Variants in ZBTB17 observed in about 807,000 individuals in gnomAD.
ZBTB17 encodes the protein zinc finger and BTB domain-containing protein 17.
Under a neutral mutation model 85.1 loss-of-function variants are expected in ZBTB17, and 24 were observed. That is an observed-to-expected ratio of 0.28 (90% CI 0.20 to 0.40). ZBTB17 has a LOEUF of 0.40. ZBTB17 is among the 10% of genes least tolerant of loss of function. The probability of loss-of-function intolerance (pLI) is 1.00; values close to 1 mark genes in which losing one functional copy is unlikely to be tolerated. For synonymous variants in ZBTB17, 464 were observed against 460.2 expected, an observed-to-expected ratio of 1.01 and a Z score of -0.11; for missense variants, 743 against 1,105.1, an observed-to-expected ratio of 0.67 and a Z score of 4.65.
In ZBTB17 at chr1:15,942,741, G is replaced by C; in HGVS notation, c.1829-3C>G. ...ATCACACAGGTAAGGCTTCTCTCCT[G>C]GGGGAGCAAGGTTCTCTCTTGCCTT... On this transcript the variant is annotated splice_polypyrimidine_tract_variant and splice_region_variant and intron_variant, in intron 13 of 15. Transcript: ENST00000375743. 6.2e-7 allele frequency: 1 copy of C among 1,612,904 alleles called. No homozygotes were observed. Among genetic ancestry groups the C allele is most frequent in the Non-Finnish European group, 8.5e-7 (1 of 1,179,930 alleles).
chr1:15,971,268 C>T (rs1333139572), intron 2 of ZBTB17, among the ~76,000 whole-genome samples: 2 of 150,894 alleles, frequency 1.3e-5, no homozygotes, highest in African/African-American at 2.4e-5. Context: ...AACACTAAGA[C>T]ACATGTTTTG....
In ZBTB17 at chr1:15,941,912, C is replaced by A. The variant is rs1463080602; in HGVS notation, c.*57G>T. 6.5e-6 allele frequency: 10 copies of A among 1,548,602 alleles called. No homozygotes were observed. The highest frequency in any genetic ancestry group is 4.1e-5 in the African/African-American group (3 of 73,868). On this transcript the variant is annotated 3_prime_UTR_variant, in exon 16 of 16. Transcript: ENST00000375743. ...TATTCTCTCTAGGGAACAGGCCACC[C>A]TTCCCGGTTCCAGGGTGCCATCCAT...
In ZBTB17 at chr1:15,945,090, C is replaced by A; in HGVS notation, c.774G>T (p.Glu258Asp). 2 of 1,611,462 alleles carry A rather than the reference C, an allele frequency of 1.2e-6. No individual in the cohort carries two copies. Among genetic ancestry groups the A allele is most frequent in the African/African-American group, 2.7e-5 (2 of 75,030 alleles). Residue 258 changes from glutamate to aspartate, a missense_variant, in exon 7 of 16, where the codon GAG becomes GAT. Coordinates refer to ENST00000375743, the MANE Select transcript of ZBTB17 (RefSeq NM_003443.3). ...AEVKEEGSQL[E>D]NGEAPEENEN... ...CGTTCTCCTCGGGGGCCTCTCCGTTCTCCAGCTGGGAACCCTCCTCCTTGA... is the reference window on the plus strand; with the variant it reads ...CGTTCTCCTCGGGGGCCTCTCCGTTATCCAGCTGGGAACCCTCCTCCTTGA...
At chr1:15,974,334 CTTTT>C (rs80079974) in intron 1 of ZBTB17, among the ~76,000 whole-genome samples, 1 of 139,534 alleles carries the variant, frequency 7.2e-6, no homozygotes, top group Admixed American at 7.2e-5. Context: ...TTTTTTTTTC[CTTTT>C]TTTTTTTTTT....
At position 15,942,434 on chromosome 1, in the gene ZBTB17, C is replaced by T. The variant is rs1164446072; in HGVS notation, c.2039-14G>A. ...CCACCGGCACCACTGCGGGCAGAGTCGCAGGGCCTAAGGTGAAGGCACGGG... is the reference window on the plus strand; with the variant it reads ...CCACCGGCACCACTGCGGGCAGAGTTGCAGGGCCTAAGGTGAAGGCACGGG... On this transcript the variant is annotated splice_polypyrimidine_tract_variant and intron_variant, in intron 14 of 15. Transcript: ENST00000375743. The T allele has an allele frequency of 6.8e-6, 11 of 1,612,936 alleles. No individual in the cohort carries two copies. The highest frequency in any genetic ancestry group is 9.3e-6 in the Non-Finnish European group (11 of 1,179,950).
Position 15,951,237 on chromosome 1 carries a change from A to G in ZBTB17, c.-2-2740T>C, listed in dbSNP as rs2071824001. ...ACGCACCAAAAGGGAAGAAAACAGGAGAAATGATAAGAAGGGGGGAGGAAG... is the reference window on the plus strand; with the variant it reads ...ACGCACCAAAAGGGAAGAAAACAGGGGAAATGATAAGAAGGGGGGAGGAAG... On this transcript the variant is annotated intron_variant, in intron 2 of 15. Coordinates refer to ENST00000375743, the MANE Select transcript of ZBTB17 (RefSeq NM_003443.3). This position sits in a 1 kb window ranked among gnomAD's most constrained non-coding sequence, Gnocchi z 4.1. Among the ~76,000 whole-genome samples the G allele has an allele frequency of 6.6e-6, 1 of 150,992 alleles. No individual in the cohort carries two copies. The highest frequency in any genetic ancestry group is 2.1e-4 in the South Asian group (1 of 4,752).
In ZBTB17 at chr1:15,952,097, C is replaced by T. The variant is rs2071876928; in HGVS notation, c.-2-3600G>A. ...AGTTAAAGCAACTTCTAAGGAAGAT[C>T]CTAAAACCTTAGAACCATAGAAAAT... On this transcript the variant is annotated intron_variant, in intron 2 of 15. Coordinates refer to ENST00000375743, the MANE Select transcript of ZBTB17 (RefSeq NM_003443.3). The surrounding 1 kb of genome is among the most constrained non-coding windows in gnomAD (Gnocchi z 4.3). Among the ~76,000 whole-genome samples, 1 of 152,206 alleles carries T rather than the reference C, an allele frequency of 6.6e-6. No homozygotes were observed. Among genetic ancestry groups the T allele is most frequent in the African/African-American group, 2.4e-5 (1 of 41,438 alleles).
chr1:15,949,990 A>G (rs943263157), intron 2 of ZBTB17, among the ~76,000 whole-genome samples: 4 of 152,138 alleles, frequency 2.6e-5, no homozygotes, highest in Non-Finnish European at 5.9e-5. Flanking sequence ...GAGGCCCAGA[A>G]ACAGCTGTTC....
chr1:15,974,423 C>A (rs1347155358), intron 1 of ZBTB17, among the ~76,000 whole-genome samples: 1 of 151,130 alleles, frequency 6.6e-6, no homozygotes, highest in Non-Finnish European at 1.5e-5. Context: ...GATCATCCCA[C>A]GTTGGCCTCC....
At chr1:15,969,609 G>C (rs535293102) in intron 2 of ZBTB17, 181 of 416,932 alleles carry the variant, frequency 4.3e-4, no homozygotes, top group Non-Finnish European at 7.1e-4. Flanking sequence ...CTCGGAGGGT[G>C]GGGGGAGCAG....
At chr1:15,945,688 G>T (rs2071568749) in intron 6 of ZBTB17, 27 bp downstream of exon 6, 2 of 1,605,214 alleles carry the variant, frequency 1.2e-6, no homozygotes. Context: ...CACCAGGTAG[G>T]GCCTGGTCCT....
At position 15,943,440 on chromosome 1, in the gene ZBTB17, G is replaced by A. The variant is rs751594836; in HGVS notation, c.1656C>T (p.His552=). The A allele has an allele frequency of 1.9e-6, 3 of 1,610,418 alleles. No homozygotes were observed. Among genetic ancestry groups the A allele is most frequent in the South Asian group, 1.1e-5 (1 of 90,662 alleles). The change falls in exon 12 of 16, where the codon CAC becomes CAT. Residue 552 remains histidine, a synonymous_variant. Coordinates refer to ENST00000375743, the MANE Select transcript of ZBTB17 (RefSeq NM_003443.3). ...ASSLIAHVRQ[H]TGEKPYVCER... ...CGCAGACGTAGGGCTTCTCCCCGGT[G>A]TGCTGGCGCACGTGGGCGATGAGGG... is the stretch of plus-strand genomic sequence containing the variant.
chr1:15,971,495 ATATATATACACACACAC>A (rs2072673179), intron 2 of ZBTB17, among the ~76,000 whole-genome samples: 1 of 43,870 alleles, frequency 2.3e-5, no homozygotes, highest in African/African-American at 1.4e-4. Flanking sequence ...CACACACTAT[ATATATATACACACACAC>A]TATATATATA....
intron 1 of ZBTB17, among the ~76,000 whole-genome samples, chr1:15,974,021 C>G (rs2072766302): frequency 6.6e-6 from 1 of 152,016 alleles, no homozygotes; most frequent in South Asian, 2.1e-4. Context: ...GAGACCCCAT[C>G]TCTACTAAAA....
At position 15,944,600 on chromosome 1, in the gene ZBTB17, G is replaced by A. The variant is rs1484516689; in HGVS notation, c.1071C>T (p.Ser357=). 2 of 1,599,486 alleles carry A rather than the reference G, an allele frequency of 1.3e-6. No individual in the cohort carries two copies. The highest frequency in any genetic ancestry group is 1.7e-5 in the Admixed American group (1 of 59,914). ...AACKAHEKTH[S]PLKPYGCEEC... ...CCTCGCAGCCGTAGGGCTTCAGAGG[G>A]CTGCAGGGCCAGAAGGCGACAGGAG... Residue 357 remains serine, a splice_region_variant and synonymous_variant, in exon 9 of 16, where the codon AGC becomes AGT. Coordinates refer to ENST00000375743, the MANE Select transcript of ZBTB17 (RefSeq NM_003443.3).
Position 15,947,076 on chromosome 1 carries a change from T to C in ZBTB17, c.253A>G (p.Ser85Gly), listed in dbSNP as rs201911110. The stretch of plus-strand genomic sequence containing the variant: ...AGCACATCATCCACGTTCTCAGGGC[T>C]CAGGCTCAGCTTGGCCGTGTACATA... The part of the protein sequence containing the change: ...EFMYTAKLSL[S>G]PENVDDVLAV... Residue 85 changes from serine (S) to glycine (G), a missense_variant, in exon 4 of 16, where the codon AGC becomes GGC. Physicochemically the swap from Ser to Gly is moderately conservative, Grantham distance 56. Around this residue, in one of 4 missense-constraint regions of ZBTB17, gnomAD observed 74 missense variants for 142.6 expected, o/e 0.52. Coordinates refer to ENST00000375743, the MANE Select transcript of ZBTB17 (RefSeq NM_003443.3). 6.2e-7 allele frequency: 1 copy of C among 1,613,998 alleles called. No individual in the cohort carries two copies. The highest frequency in any genetic ancestry group is 8.5e-7 in the Non-Finnish European group (1 of 1,179,970).
At chr1:15,958,415 CAAAA>C (rs34593133) in intron 2 of ZBTB17, among the ~76,000 whole-genome samples, 2 of 84,608 alleles carry the variant, frequency 2.4e-5, no homozygotes, top group Non-Finnish European at 2.3e-5. Flanking sequence ...CCAATACGAC[CAAAA>C]AAAAAAAAAA....
intron 2 of ZBTB17, chr1:15,970,315 G>A: frequency 2.0e-5 from 5 of 244,186 alleles, no homozygotes; most frequent in South Asian, 7.3e-5. Flanking sequence ...ATGCTGAGAA[G>A]GAAAAATAAA....
intron 2 of ZBTB17, 82 bp from the exon 3 acceptor site, chr1:15,948,579 C>T (rs1425076691): frequency 1.7e-5 from 24 of 1,415,160 alleles, no homozygotes; most frequent in East Asian, 1.4e-4. Flanking sequence ...AAGTCCCAGG[C>T]GAGCACCATG....
Sources: allele counts gnomAD v4.1 joint callset (sites outside exome capture counted in the v4.1 genomes callset), GRCh38; gene constraint gnomAD v4.1.1; regional missense constraint gnomAD v4.1.1; non-coding constraint Gnocchi (gnomAD v3.1); transcripts MANE v1.5; gene names NCBI Gene and HGNC (gene_info 2026-07-23, HGNC 2026-07-21).